PRKN: variants seen among roughly 807,000 people sequenced by gnomAD.
PRKN encodes the protein E3 ubiquitin-protein ligase parkin.
In PRKN, 56 loss-of-function variants were observed where a neutral mutation model predicts 59.5. The ratio of observed to expected loss-of-function variants is 0.94; its 90% CI spans 0.76 to 1.18. The LOEUF (loss-of-function observed/expected upper bound fraction) is 1.18. Ranked by LOEUF, PRKN falls within the 50% of genes most tolerant of loss-of-function variation. The pLI is 0.00. For missense variants in PRKN, 657 were observed against 596.4 expected (o/e 1.10, Z -1.06); for synonymous variants, 250 against 222.1 (o/e 1.13, Z -1.12).
intron 4 of PRKN, among the ~76,000 whole-genome samples, chr6:162,141,124 T>C (rs1304224338): frequency 1.3e-5 from 2 of 151,720 alleles, no homozygotes; most frequent in Non-Finnish European, 2.9e-5. Context: ...AGTGAGACCC[T>C]GTCACCAAAA....
At chr6:162,391,094 G>A (rs1309781513) in intron 2 of PRKN, among the ~76,000 whole-genome samples, 1 of 152,190 alleles carries the variant, frequency 6.6e-6, no homozygotes, top group Non-Finnish European at 1.5e-5. Flanking sequence ...GCTGGCCACA[G>A]ATGTGAAACT....
intron 6 of PRKN, among the ~76,000 whole-genome samples, chr6:161,849,223 C>A (rs939748580): frequency 6.6e-6 from 1 of 152,186 alleles, no homozygotes; most frequent in Admixed American, 6.5e-5. Flanking sequence ...CCCAAGGGCA[C>A]CTCCTAGTCT....
intron 7 of PRKN, among the ~76,000 whole-genome samples, chr6:161,685,657 G>C (rs572039660): frequency 6.6e-6 from 1 of 152,148 alleles, no homozygotes; most frequent in Non-Finnish European, 1.5e-5. Flanking sequence ...AGCCAAGTAC[G>C]AGCCTGAGGC....
At chr6:162,148,726 C>A (rs1183882786) in intron 4 of PRKN, among the ~76,000 whole-genome samples, 1 of 152,072 alleles carries the variant, frequency 6.6e-6, no homozygotes, top group South Asian at 2.1e-4. Context: ...GTCTTCCCTG[C>A]AAAGAGCCAA....
intron 6 of PRKN, among the ~76,000 whole-genome samples, chr6:161,818,344 T>A (rs9365327): frequency 6.9e-6 from 1 of 144,532 alleles, no homozygotes; most frequent in Non-Finnish European, 1.5e-5. Context: ...TTTTTTTTTT[T>A]AATTTTTAGA....
intron 7 of PRKN, among the ~76,000 whole-genome samples, chr6:161,732,216 A>T: frequency 6.6e-6 from 1 of 151,864 alleles, no homozygotes. Context: ...CTCCCTGAGT[A>T]GCTGGGATTA....
At chr6:161,777,850 A>G (rs1562676586) in intron 7 of PRKN, among the ~76,000 whole-genome samples, 1 of 145,120 alleles carries the variant, frequency 6.9e-6, no homozygotes, top group Non-Finnish European at 1.5e-5. Context: ...ATATATGTAT[A>G]TATGTGTATA....
rs1047556258 is a variant in PRKN at position 161,902,569 on chromosome 6, T to A, written c.734+70733A>T. Among the ~76,000 whole-genome samples the A allele has an allele frequency of 2.8e-5, 4 of 141,640 alleles. 1 individual carries two copies. Among genetic ancestry groups the A allele is most frequent in the Non-Finnish European group, 6.1e-5 (4 of 65,272 alleles). The allele number at this position is 141,640 out of a possible 152,430, so 92.9% of individuals were successfully genotyped here. ...ATCTATTTATTTATTTATTTATTTT[T>A]TTTTTTTTGCGACAGAGTCTTGCTC... On this transcript the variant is annotated intron_variant, in intron 6 of 11. Transcript: ENST00000366898.
At chr6:162,303,127 GTAAAAAAAA>G (rs67477480) in intron 2 of PRKN, among the ~76,000 whole-genome samples, 18,653 of 151,872 alleles carry the variant, frequency 0.12, 2,443 homozygotes, top group African/African-American at 0.33. Flanking sequence ...CTGCTATGGT[GTAAAAAAAA>G]TCCACAATAT....
chr6:162,299,771 C>T (rs531344436), intron 2 of PRKN, among the ~76,000 whole-genome samples: 1 of 152,114 alleles, frequency 6.6e-6, no homozygotes, highest in South Asian at 2.1e-4. Context: ...TTCCTACCTA[C>T]CACACTTACT....
chr6:162,002,518 T>C (rs985891301), intron 5 of PRKN, among the ~76,000 whole-genome samples: 1 of 152,078 alleles, frequency 6.6e-6, no homozygotes, highest in African/African-American at 2.4e-5. Flanking sequence ...TGTTAGTAAT[T>C]TGTGTTTCCT....
At chr6:162,077,347 A>G (rs1047728176) in intron 4 of PRKN, among the ~76,000 whole-genome samples, 7 of 152,138 alleles carry the variant, frequency 4.6e-5, no homozygotes, top group Non-Finnish European at 5.9e-5. Flanking sequence ...AGCTGTGTCT[A>G]AACACATGCT....
At chr6:162,313,757 G>C (rs578081346) in intron 2 of PRKN, among the ~76,000 whole-genome samples, 1 of 152,158 alleles carries the variant, frequency 6.6e-6, no homozygotes, top group South Asian at 2.1e-4. Flanking sequence ...AAAATGCTGG[G>C]ATTACAGGCG....
chr6:161,573,915 C>T (rs997262308), intron 7 of PRKN, among the ~76,000 whole-genome samples: 5 of 150,342 alleles, frequency 3.3e-5, no homozygotes, highest in Non-Finnish European at 7.4e-5. Context: ...ATAAGAAACA[C>T]AATTTTAAAT....
intron 2 of PRKN, among the ~76,000 whole-genome samples, chr6:162,336,496 T>C (rs191903855): frequency 6.6e-6 from 1 of 152,160 alleles, no homozygotes. Context: ...ATTCACACCA[T>C]AATGCTAATT....
intron 4 of PRKN, among the ~76,000 whole-genome samples, chr6:162,114,626 A>G (rs1351679486): frequency 6.6e-6 from 1 of 151,804 alleles, no homozygotes; most frequent in East Asian, 1.9e-4. Flanking sequence ...AGAATCTACA[A>G]TGAACTCAAA....
intron 1 of PRKN, among the ~76,000 whole-genome samples, chr6:162,686,106 T>A (rs544537562): frequency 1.0e-3 from 159 of 152,308 alleles, no homozygotes; most frequent in African/African-American, 3.7e-3. Flanking sequence ...AAGTTAATTT[T>A]AAAATATTAA....
intron 1 of PRKN, among the ~76,000 whole-genome samples, chr6:162,499,259 C>T (rs1438506075): frequency 6.6e-6 from 1 of 152,178 alleles, no homozygotes; most frequent in Non-Finnish European, 1.5e-5. Flanking sequence ...CTCCTAACTC[C>T]TATATGACCT....
At chr6:161,766,972 A>G (rs899900689) in intron 7 of PRKN, among the ~76,000 whole-genome samples, 3 of 152,200 alleles carry the variant, frequency 2.0e-5, no homozygotes, top group Admixed American at 6.5e-5. Flanking sequence ...TATCAACCAC[A>G]GAGAATCACT....
Sources: gnomAD v4.1 joint callset for allele counts (sites outside exome capture counted in the v4.1 genomes callset) on GRCh38, gnomAD v4.1.1 for gene constraint, MANE v1.5 for transcripts, NCBI Gene and HGNC (gene_info 2026-07-23, HGNC 2026-07-21) for gene names.